The following KIAA0040 variants were observed in gnomAD, a reference collection of about 807,000 sequenced individuals.
KIAA0040 encodes uncharacterized protein KIAA0040.
A neutral mutation model predicts 7.2 loss-of-function variants in KIAA0040; 10 were observed. The ratio of observed to expected loss-of-function variants is 1.38; its 90% CI spans 0.85 to 2.34. KIAA0040 has a LOEUF of 2.34. Among genes scored for constraint, KIAA0040 ranks in the 30% most tolerant of loss-of-function variants. The probability of loss-of-function intolerance (pLI) is 0.00; values close to 1 mark genes in which losing one functional copy is unlikely to be tolerated. For synonymous variants in KIAA0040, 49 were observed against 40.1 expected (o/e 1.22, Z -0.84); for missense variants, 89 against 108.2 (o/e 0.82, Z 0.79).
chr1:175,186,067 T>A (rs1224925818), intron 1 of KIAA0040, among the ~76,000 whole-genome samples: 2 of 152,188 alleles, frequency 1.3e-5, no homozygotes, highest in Non-Finnish European at 2.9e-5. Flanking sequence ...TTAATGGTTA[T>A]GGGTTTTTAT....
intron 3 of KIAA0040, among the ~76,000 whole-genome samples, chr1:175,163,769 C>G (rs937335056): frequency 6.6e-6 from 1 of 152,170 alleles, no homozygotes; most frequent in Non-Finnish European, 1.5e-5. Context: ...GATAACACCA[C>G]CACCACAAAT....
At chr1:175,183,618 C>T (rs924453129) in intron 1 of KIAA0040, among the ~76,000 whole-genome samples, 7 of 152,170 alleles carry the variant, frequency 4.6e-5, no homozygotes, top group African/African-American at 1.7e-4. Context: ...GCTTATGGCT[C>T]AGGTAAGTTG....
intron 1 of KIAA0040, among the ~76,000 whole-genome samples, chr1:175,182,295 T>C (rs1677471210): frequency 6.6e-6 from 1 of 152,176 alleles, no homozygotes; most frequent in Admixed American, 6.5e-5. Flanking sequence ...TCCCTCACCC[T>C]CACCCCAACT....
intron 2 of KIAA0040, among the ~76,000 whole-genome samples, chr1:175,167,447 G>A (rs2101883702): frequency 6.6e-6 from 1 of 152,296 alleles, no homozygotes; most frequent in East Asian, 1.9e-4. Flanking sequence ...GGACCTGAAG[G>A]GACAGGGTAG....
At position 175,169,036 on chromosome 1, in the gene KIAA0040, CT is replaced by C. The variant is rs112050783; in HGVS notation, c.-309-2300del. ...AATGACTGTGTGGAGCAGAGCACCC[CT>C]GCTGACCACAGTGAAAAATGAAATG... On this transcript the variant is annotated intron_variant, in intron 2 of 3. Coordinates refer to ENST00000423313, the MANE Select transcript of KIAA0040 (RefSeq NM_014656.3). Among the ~76,000 whole-genome samples the C allele has an allele frequency of 3.3e-3, 507 of 152,312 alleles. 5 individuals are homozygous for C. Among genetic ancestry groups the C allele is most frequent in the African/African-American group, 0.01 (435 of 41,562 alleles).
intron 2 of KIAA0040, among the ~76,000 whole-genome samples, chr1:175,170,601 C>G (rs1303010257): frequency 1.3e-5 from 2 of 152,276 alleles, no homozygotes; most frequent in African/African-American, 4.8e-5. Context: ...TCCTTCAACA[C>G]TCGGACTAAG....
At chr1:175,191,689 A>C (rs1677873400) in intron 1 of KIAA0040, among the ~76,000 whole-genome samples, 1 of 152,358 alleles carries the variant, frequency 6.6e-6, no homozygotes, top group East Asian at 1.9e-4. Context: ...CTCTCCCATT[A>C]TCTAACAGAA....
intron 3 of KIAA0040, among the ~76,000 whole-genome samples, chr1:175,162,826 AT>A (rs1286707046): frequency 6.6e-6 from 1 of 151,990 alleles, no homozygotes; most frequent in Admixed American, 6.5e-5. Context: ...ATTTACATAG[AT>A]TTTGCAAGCG....
At chr1:175,174,352 G>A (rs140263794) in intron 2 of KIAA0040, among the ~76,000 whole-genome samples, 292 of 152,290 alleles carry the variant, frequency 1.9e-3, no homozygotes, top group Non-Finnish European at 2.9e-3. Flanking sequence ...AATGCCCCTG[G>A]GCACAATACA....
At chr1:175,178,669 C>G (rs539331871) in intron 1 of KIAA0040, among the ~76,000 whole-genome samples, 1 of 152,194 alleles carries the variant, frequency 6.6e-6, no homozygotes, top group African/African-American at 2.4e-5. Flanking sequence ...TGAAGTCCTG[C>G]TCTGCTTAGC....
chr1:175,172,262 C>G (rs1189855602), intron 2 of KIAA0040, among the ~76,000 whole-genome samples: 1 of 152,180 alleles, frequency 6.6e-6, no homozygotes, highest in African/African-American at 2.4e-5. Flanking sequence ...TGAGTGAATA[C>G]AATTTCTCCA....
intron 2 of KIAA0040, among the ~76,000 whole-genome samples, chr1:175,169,363 C>T (rs1490287764): frequency 6.6e-6 from 1 of 152,204 alleles, no homozygotes; most frequent in Non-Finnish European, 1.5e-5. Flanking sequence ...AGCTGTATCA[C>T]ATTGGGCAGG....
intron 3 of KIAA0040, 135 bp from the exon 4 acceptor site, chr1:175,161,281 T>A: frequency 2.8e-6 from 1 of 359,628 alleles, no homozygotes. Context: ...TTGTATTGAC[T>A]CAATAAACAA....
chr1:175,187,288 G>A (rs926719099), intron 1 of KIAA0040, among the ~76,000 whole-genome samples: 10 of 152,166 alleles, frequency 6.6e-5, no homozygotes, highest in African/African-American at 2.2e-4. Context: ...AGCCAAGAAA[G>A]TTTGGATGGA....
At chr1:175,171,610 C>A (rs1453877743) in intron 2 of KIAA0040, among the ~76,000 whole-genome samples, 2 of 152,148 alleles carry the variant, frequency 1.3e-5, no homozygotes, top group African/African-American at 4.8e-5. Context: ...ATCTTCCAGC[C>A]ACGAAAACTC....
At chr1:175,179,021 G>A (rs1677330118) in intron 1 of KIAA0040, among the ~76,000 whole-genome samples, 1 of 151,998 alleles carries the variant, frequency 6.6e-6, no homozygotes, top group Non-Finnish European at 1.5e-5. Context: ...CTCCTGGGCT[G>A]TGTGTGATTA....
intron 3 of KIAA0040, among the ~76,000 whole-genome samples, chr1:175,161,421 G>A (rs913870823): frequency 1.3e-5 from 2 of 152,146 alleles, no homozygotes; most frequent in African/African-American, 4.8e-5. Context: ...GTAGTTGTTG[G>A]ATAAATGAAT....
intron 1 of KIAA0040, among the ~76,000 whole-genome samples, chr1:175,189,945 G>A (rs1022439526): frequency 5.3e-5 from 8 of 152,152 alleles, no homozygotes; most frequent in African/African-American, 1.4e-4. Context: ...TTCCATGCAG[G>A]TCACACAAGA....
intron 1 of KIAA0040, among the ~76,000 whole-genome samples, chr1:175,191,713 G>A (rs565147660): frequency 6.6e-6 from 1 of 152,202 alleles, no homozygotes; most frequent in African/African-American, 2.4e-5. Flanking sequence ...CAGAATGAGG[G>A]TTCCTTAAAA....
Sources: allele counts gnomAD v4.1 joint callset (sites outside exome capture counted in the v4.1 genomes callset), GRCh38; gene constraint gnomAD v4.1.1; transcripts MANE v1.5; gene names NCBI Gene and HGNC (gene_info 2026-07-23, HGNC 2026-07-21).